Variants in FAM133B observed in about 807,000 individuals in gnomAD.
FAM133B encodes the protein family with sequence similarity 133 member B.
Under a neutral mutation model 46.4 loss-of-function variants are expected in FAM133B, and 25 were observed. That is an observed-to-expected ratio of 0.54 (90% CI 0.39 to 0.75). The LOEUF (loss-of-function observed/expected upper bound fraction) is 0.75. FAM133B is among the 30% of genes least tolerant of loss of function. The pLI is 0.00. For missense variants in FAM133B, 205 were observed against 277.6 expected, an observed-to-expected ratio of 0.74 and a Z score of 1.86; for synonymous variants, 75 against 86.0, an observed-to-expected ratio of 0.87 and a Z score of 0.71.
At chr7:92,582,875 A>G (rs984663308) in intron 1 of FAM133B, among the ~76,000 whole-genome samples, 1 of 152,198 alleles carries the variant, frequency 6.6e-6, no homozygotes, top group Non-Finnish European at 1.5e-5. Context: ...ACCCTTTCAC[A>G]TTGTTGGTGG....
intron 10 of FAM133B, among the ~76,000 whole-genome samples, chr7:92,564,481 C>T (rs1794264885): frequency 6.6e-6 from 1 of 152,116 alleles, no homozygotes; most frequent in Non-Finnish European, 1.5e-5. Flanking sequence ...TAATCCGAAC[C>T]ACAGACCAAA....
intron 1 of FAM133B, among the ~76,000 whole-genome samples, chr7:92,582,959 A>G (rs745631763): frequency 2.0e-5 from 3 of 152,234 alleles, no homozygotes; most frequent in Non-Finnish European, 4.4e-5. Flanking sequence ...GAACTACCAC[A>G]TGATCCTATA....
chr7:92,574,875 G>A (rs1276777979), intron 8 of FAM133B, among the ~76,000 whole-genome samples: 1 of 149,198 alleles, frequency 6.7e-6, no homozygotes, highest in African/African-American at 2.5e-5. Flanking sequence ...ACTGCAGTCC[G>A]CAGTCCGGCC....
In FAM133B at chr7:92,579,404, A is replaced by G; in HGVS notation, c.123-9T>C. 1 of 1,588,378 alleles carries G rather than the reference A, an allele frequency of 6.3e-7. No homozygotes were observed. The highest frequency in any genetic ancestry group is 8.6e-7 in the Non-Finnish European group (1 of 1,166,796). The stretch of plus-strand genomic sequence containing the variant: ...GCTCTTTTACTTCTTCCCTTAAAAA[A>G]TAGAATGTACAAACAAAATTTCAAG... On this transcript the variant is annotated splice_polypyrimidine_tract_variant and intron_variant, in intron 2 of 10. Transcript: ENST00000445716.
intron 1 of FAM133B, chr7:92,589,967 C>A (rs1380671715): frequency 8.4e-6 from 4 of 478,194 alleles, no homozygotes; most frequent in Non-Finnish European, 1.5e-5. Flanking sequence ...CGAGCCCTCG[C>A]GGTTCTAAGT....
At chr7:92,579,072 A>T in intron 3 of FAM133B, 2 of 395,662 alleles carry the variant, frequency 5.1e-6, no homozygotes, top group African/African-American at 2.1e-5. Flanking sequence ...ACTTGTATTC[A>T]CCATAACAAT....
At chr7:92,578,295 G>C (rs1466450700) in intron 4 of FAM133B, 24 bp downstream of exon 4, 1 of 1,608,782 alleles carries the variant, frequency 6.2e-7, no homozygotes, top group East Asian at 2.2e-5. Flanking sequence ...ATTAAGAATA[G>C]CAATAAACTA....
chr7:92,575,971 TAA>T (rs903818442), intron 7 of FAM133B, 150 bp from the exon 8 acceptor site: 10 of 398,836 alleles, frequency 2.5e-5, no homozygotes, highest in Admixed American at 4.3e-5. Context: ...AAGAGAAATA[TAA>T]GTTATGTATA....
chr7:92,566,066 A>G lies in FAM133B; in HGVS notation c.610-5T>C, dbSNP rs770073370. On this transcript the variant is annotated splice_region_variant and splice_polypyrimidine_tract_variant and intron_variant, in intron 9 of 10. Coordinates refer to ENST00000445716, the MANE Select transcript of FAM133B (RefSeq NM_152789.4). ...TTTCTTCTTTTTTGCTCGCACCTAGAAAGTTTAAATTTTTGTGGAGAACAG... is the reference window on the plus strand; with the variant it reads ...TTTCTTCTTTTTTGCTCGCACCTAGGAAGTTTAAATTTTTGTGGAGAACAG... The G allele has an allele frequency of 6.2e-7, 1 of 1,613,456 alleles. No individual in the cohort carries two copies. Among genetic ancestry groups the G allele is most frequent in the South Asian group, 1.1e-5 (1 of 91,040 alleles).
intron 10 of FAM133B, 55 bp downstream of exon 10, chr7:92,565,959 A>G: frequency 6.4e-7 from 1 of 1,571,614 alleles, no homozygotes; most frequent in East Asian, 2.2e-5. Context: ...GACTCATTTT[A>G]TATTAAACCA....
At chr7:92,580,577 C>T (rs1794838088) in intron 2 of FAM133B, among the ~76,000 whole-genome samples, 1 of 152,248 alleles carries the variant, frequency 6.6e-6, no homozygotes, top group African/African-American at 2.4e-5. Flanking sequence ...CCTTCAAAGC[C>T]TGTTCCGGGA....
At chr7:92,569,594 C>G (rs1025652277) in intron 9 of FAM133B, 5 of 266,494 alleles carry the variant, frequency 1.9e-5, no homozygotes, top group East Asian at 7.2e-5. Context: ...CTAAAAATAT[C>G]TCAGATTAGA....
At chr7:92,570,970 C>T (rs1025094081) in intron 8 of FAM133B, among the ~76,000 whole-genome samples, 3 of 152,164 alleles carry the variant, frequency 2.0e-5, no homozygotes, top group Non-Finnish European at 4.4e-5. Context: ...GCTCTTCTCA[C>T]CCAATAGTAT....
At chr7:92,578,426 A>C in intron 3 of FAM133B, 33 bp from the exon 4 acceptor site, 1 of 1,582,874 alleles carries the variant, frequency 6.3e-7, no homozygotes, top group Non-Finnish European at 8.6e-7. Flanking sequence ...ATCAGAGACT[A>C]TCTAACCTTT....
At chr7:92,564,294 T>C (rs1247273498) in intron 10 of FAM133B, among the ~76,000 whole-genome samples, 3 of 152,224 alleles carry the variant, frequency 2.0e-5, no homozygotes, top group Admixed American at 6.5e-5. Flanking sequence ...AGCGAGGATT[T>C]CATGAGCCCG....
intron 6 of FAM133B, 58 bp from the exon 7 acceptor site, chr7:92,577,253 T>C (rs763197627): frequency 5.0e-6 from 6 of 1,189,618 alleles, no homozygotes; most frequent in Non-Finnish European, 6.9e-6. Context: ...AATTTACACA[T>C]TTATTAATAT....
chr7:92,585,226 A>C, intron 1 of FAM133B: 12 of 278,298 alleles, frequency 4.3e-5, no homozygotes, highest in Admixed American at 6.5e-5. Flanking sequence ...GTCATTTCCT[A>C]TTGCAAATAT....
At chr7:92,574,289 T>C (rs546173235) in intron 8 of FAM133B, among the ~76,000 whole-genome samples, 218 of 152,288 alleles carry the variant, frequency 1.4e-3, no homozygotes, top group African/African-American at 5.0e-3. Flanking sequence ...TGGATGAAAT[T>C]TGAAAATACT....
chr7:92,562,917 A>T (rs1457912124), intron 10 of FAM133B, among the ~76,000 whole-genome samples: 1 of 152,220 alleles, frequency 6.6e-6, no homozygotes, highest in African/African-American at 2.4e-5. Context: ...TGTATAGTTA[A>T]AAAGTCTACT....
Sources: gnomAD v4.1 joint callset for allele counts (sites outside exome capture counted in the v4.1 genomes callset) on GRCh38, gnomAD v4.1.1 for gene constraint, MANE v1.5 for transcripts, NCBI Gene and HGNC (gene_info 2026-07-23, HGNC 2026-07-21) for gene names.